Variants in ELMO1 observed in about 807,000 individuals in gnomAD.
The protein encoded by ELMO1 is engulfment and cell motility 1, also known as engulfment and cell motility protein 1.
In ELMO1, 26 loss-of-function variants were observed where a neutral mutation model predicts 98.9. The ratio of observed to expected loss-of-function variants is 0.26; its 90% CI spans 0.19 to 0.36. The LOEUF (loss-of-function observed/expected upper bound fraction) is 0.36, where lower values mean the gene tolerates loss of function less well. Among genes scored for constraint, ELMO1 ranks in the 10% least tolerant of loss-of-function variants. The pLI is 1.00. For missense variants in ELMO1, 627 were observed against 935.2 expected (o/e 0.67, Z 4.30); for synonymous variants, 346 against 346.0 (o/e 1.00, Z 0.00).
chr7:37,380,983 G>A (rs1028270700), intron 1 of ELMO1, among the ~76,000 whole-genome samples: 8 of 152,270 alleles, frequency 5.3e-5, no homozygotes, highest in Admixed American at 3.9e-4. Context: ...TGTGAAAAAC[G>A]TGGCATTAAA....
In ELMO1 at chr7:37,360,502, A is replaced by G. The variant is rs542656930; in HGVS notation, c.-73-17739T>C. On this transcript the variant is annotated intron_variant, in intron 1 of 21. Coordinates refer to ENST00000310758, the MANE Select transcript of ELMO1 (RefSeq NM_014800.11). ...TTTCCAGGTAAAAATTAGCTCAGCC[A>G]CACACTTAAAAGACAAAACTCTAGG... Among the ~76,000 whole-genome samples the G allele has an allele frequency of 1.1e-3, 162 of 152,110 alleles. 1 individual carries two copies. The highest frequency in any genetic ancestry group is 1.8e-3 in the Non-Finnish European group (125 of 67,980).
chr7:36,885,986 C>T (rs895043949), intron 18 of ELMO1, among the ~76,000 whole-genome samples: 8 of 152,222 alleles, frequency 5.3e-5, no homozygotes, highest in African/African-American at 1.7e-4. Context: ...CAAGGTCACA[C>T]AGCTGGACAG....
At chr7:36,942,952 T>C (rs189341206) in intron 16 of ELMO1, among the ~76,000 whole-genome samples, 1 of 152,294 alleles carries the variant, frequency 6.6e-6, no homozygotes, top group Admixed American at 6.5e-5. Flanking sequence ...ACTGACAGCT[T>C]CCAGAATTCT....
At chr7:36,970,893 C>T (rs1358731206) in intron 16 of ELMO1, among the ~76,000 whole-genome samples, 1 of 152,200 alleles carries the variant, frequency 6.6e-6, no homozygotes, top group Non-Finnish European at 1.5e-5. Flanking sequence ...TAAGGCTGCT[C>T]ACATGAGGGA....
chr7:36,866,919 G>A (rs1003533179), intron 20 of ELMO1, among the ~76,000 whole-genome samples: 2 of 152,186 alleles, frequency 1.3e-5, no homozygotes, highest in Non-Finnish European at 2.9e-5. Flanking sequence ...GGGGGGTTCA[G>A]CAGGTAAAAT....
chr7:37,354,519 C>T (rs912087067), intron 1 of ELMO1, among the ~76,000 whole-genome samples: 13 of 152,246 alleles, frequency 8.5e-5, no homozygotes, highest in African/African-American at 3.1e-4. Context: ...GAGCCACTCA[C>T]TCTCTTCCCT....
intron 16 of ELMO1, among the ~76,000 whole-genome samples, chr7:36,953,661 C>T (rs907520355): frequency 3.3e-5 from 5 of 152,074 alleles, no homozygotes; most frequent in Admixed American, 1.3e-4. Context: ...AAGGACAACT[C>T]GGTTTTTTAT....
intron 18 of ELMO1, among the ~76,000 whole-genome samples, chr7:36,879,308 C>G (rs6978879): frequency 0.95 from 145,240 of 152,274 alleles, 69,355 homozygotes; most frequent in East Asian, 1. Flanking sequence ...AGACCCAAAG[C>G]GACCTGATCA....
At position 36,855,611 on chromosome 7, in the gene ELMO1, G is replaced by T; in HGVS notation, c.2124C>A (p.Asp708Glu). The stretch of plus-strand genomic sequence containing the variant: ...GCTCCTTGGGAATCGGCGGAGGTGC[G>T]TCAGGGATCTGGATGTTTTCCAGGT... ...LLDLENIQIPDAPPPIPKEPS... is the reference protein window; with the variant it reads ...LLDLENIQIPEAPPPIPKEPS... The change falls in exon 22 of 22, where the codon GAC becomes GAA. Residue 708 changes from aspartate to glutamate, a missense_variant. Coordinates refer to ENST00000310758, the MANE Select transcript of ELMO1 (RefSeq NM_014800.11). The surrounding 1 kb of genome is among the most constrained non-coding windows in gnomAD (Gnocchi z 4.2). 3 of 1,614,120 alleles carry T rather than the reference G, an allele frequency of 1.9e-6. No individual in the cohort carries two copies. Among genetic ancestry groups the T allele is most frequent in the Non-Finnish European group, 2.5e-6 (3 of 1,180,002 alleles).
At chr7:37,424,790 T>A (rs562515230) in intron 1 of ELMO1, among the ~76,000 whole-genome samples, 1 of 152,096 alleles carries the variant, frequency 6.6e-6, no homozygotes, top group Non-Finnish European at 1.5e-5. Context: ...CCTATTTCAA[T>A]CTGGGGACCT....
At chr7:37,215,595 A>C (rs1490541155) in intron 11 of ELMO1, among the ~76,000 whole-genome samples, 1 of 152,222 alleles carries the variant, frequency 6.6e-6, no homozygotes, top group Non-Finnish European at 1.5e-5. Flanking sequence ...GTACCAGACA[A>C]CTGGAGACAG....
chr7:37,221,479 A>C (rs1043734747), intron 10 of ELMO1, among the ~76,000 whole-genome samples: 2 of 152,196 alleles, frequency 1.3e-5, no homozygotes, highest in African/African-American at 4.8e-5. Context: ...AAGGAAGGAA[A>C]TTGTGACCAG....
At chr7:37,163,702 G>A (rs1789405651) in intron 13 of ELMO1, among the ~76,000 whole-genome samples, 2 of 152,204 alleles carry the variant, frequency 1.3e-5, no homozygotes, top group African/African-American at 2.4e-5. Context: ...ATTCCATGGT[G>A]TATATGTGCC....
At chr7:36,918,395 A>C (rs1475830440) in intron 16 of ELMO1, among the ~76,000 whole-genome samples, 1 of 152,202 alleles carries the variant, frequency 6.6e-6, no homozygotes, top group Non-Finnish European at 1.5e-5. Context: ...TAATTTTATA[A>C]GTGAAAATAT....
chr7:37,206,836 A>T (rs1172025748), intron 13 of ELMO1, among the ~76,000 whole-genome samples: 3 of 152,240 alleles, frequency 2.0e-5, no homozygotes, highest in Middle Eastern at 3.4e-3. Flanking sequence ...TTTTTTTAAA[A>T]AAAAAAAGCT....
chr7:37,065,726 T>A (rs1796922892), intron 15 of ELMO1, among the ~76,000 whole-genome samples: 1 of 152,198 alleles, frequency 6.6e-6, no homozygotes, highest in African/African-American at 2.4e-5. Context: ...TCTGAATGTA[T>A]CTATTTTGAA....
intron 4 of ELMO1, among the ~76,000 whole-genome samples, chr7:37,282,110 CT>C (rs11334701): frequency 1 from 152,328 of 152,328 alleles, 76,164 homozygotes; most frequent in Non-Finnish European, 1. Context: ...GTTATGCCAA[CT>C]TTTCTACTTA....
At position 37,431,729 on chromosome 7, in the gene ELMO1, A is replaced by C. The variant is rs112478148; in HGVS notation, c.-74+16946T>G. ...TACCAGGGTAACTGTGCACTGGGGA[A>C]AAAGGAATAATGAGATGTTTTGGGA... is the stretch of plus-strand genomic sequence containing the variant. On this transcript the variant is annotated intron_variant, in intron 1 of 21. Coordinates refer to ENST00000310758, the MANE Select transcript of ELMO1 (RefSeq NM_014800.11). 6.5e-3 allele frequency among the ~76,000 whole-genome samples: 992 copies of C among 152,324 alleles called. 7 individuals carry two copies. The highest frequency in any genetic ancestry group is 0.022 in the African/African-American group (917 of 41,566).
intron 4 of ELMO1, among the ~76,000 whole-genome samples, chr7:37,275,086 A>T (rs1796760244): frequency 6.6e-6 from 1 of 152,244 alleles, no homozygotes; most frequent in Admixed American, 6.5e-5. Context: ...AAACCCAGGT[A>T]GTCTGACAAC....
Sources: allele counts gnomAD v4.1 joint callset (sites outside exome capture counted in the v4.1 genomes callset), GRCh38; gene constraint gnomAD v4.1.1; non-coding constraint Gnocchi (gnomAD v3.1); transcripts MANE v1.5; gene names NCBI Gene and HGNC (gene_info 2026-07-23, HGNC 2026-07-21).